Variants in BMP2K observed in about 807,000 individuals in gnomAD.
BMP2K encodes the protein BMP-2-inducible protein kinase.
Under a neutral mutation model 116.0 loss-of-function variants are expected in BMP2K, and 74 were observed. The observed-to-expected ratio is 0.64, with a 90% CI of 0.53 to 0.77. The LOEUF is 0.77. BMP2K is among the 30% of genes least tolerant of loss of function. BMP2K has a pLI of 0.00. For missense variants in BMP2K, 1,365 were observed against 1,403.6 expected (o/e 0.97, Z 0.44); for synonymous variants, 486 against 502.5 (o/e 0.97, Z 0.44).
At chr4:78,851,112 CTATT>C in intron 7 of BMP2K, 56 bp downstream of exon 7, 1 of 1,426,400 alleles carries the variant, frequency 7.0e-7, no homozygotes, top group Non-Finnish European at 9.3e-7. Flanking sequence ...TTAGGGCCTA[CTATT>C]TACATTCCTT....
At chr4:78,841,836 G>A (rs960364757) in intron 3 of BMP2K, among the ~76,000 whole-genome samples, 2 of 151,926 alleles carry the variant, frequency 1.3e-5, no homozygotes, top group African/African-American at 4.8e-5. Context: ...GTCTCTGCCT[G>A]GTTGATTCCT....
chr4:78,846,130 G>A (rs1316985462), intron 5 of BMP2K, among the ~76,000 whole-genome samples: 1 of 151,604 alleles, frequency 6.6e-6, no homozygotes, highest in African/African-American at 2.4e-5. Context: ...ATTTCTTGCT[G>A]TTGCCTTTTG....
intron 15 of BMP2K, among the ~76,000 whole-genome samples, chr4:78,897,750 G>A (rs1445855535): frequency 6.6e-6 from 1 of 151,914 alleles, no homozygotes; most frequent in Non-Finnish European, 1.5e-5. Flanking sequence ...TAATTTCCCA[G>A]CCGTGATTAA....
chr4:78,911,189 C>T lies in BMP2K; in HGVS notation c.2642C>T (p.Pro881Leu). The change falls in exon 16 of 16, where the codon CCT becomes CTT. Residue 881 changes from proline to leucine, a missense_variant. Pro to Leu is a moderately conservative substitution (Grantham distance 98). Transcript: ENST00000502613. The stretch of plus-strand genomic sequence containing the variant: ...CAAGAAAAGAATGAAAAGAACCTCC[C>T]TCAACACAGGTTTCCTGCTGCAGGA... Reference protein sequence around the residue: ...PQQEKNEKNLPQHRFPAAGLE... With the variant: ...PQQEKNEKNLLQHRFPAAGLE... The T allele has an allele frequency of 1.2e-6, 2 of 1,613,764 alleles. No homozygotes were observed. Among genetic ancestry groups the T allele is most frequent in the Non-Finnish European group, 1.7e-6 (2 of 1,179,794 alleles).
chr4:78,851,202 G>A, intron 7 of BMP2K, 146 bp downstream of exon 7: 1 of 867,726 alleles, frequency 1.2e-6, no homozygotes, highest in Non-Finnish European at 1.6e-6. Context: ...TTAAAAAAGT[G>A]TTTAAAAACT....
At chr4:78,778,240 A>G (rs796836470) in intron 1 of BMP2K, among the ~76,000 whole-genome samples, 7 of 152,316 alleles carry the variant, frequency 4.6e-5, no homozygotes, top group African/African-American at 1.4e-4. Flanking sequence ...CATTTCACAA[A>G]TTAGATTTTG....
At chr4:78,826,262 C>T (rs976192084) in intron 2 of BMP2K, 107 bp downstream of exon 2, 48 of 802,880 alleles carry the variant, frequency 6.0e-5, no homozygotes, top group Middle Eastern at 6.1e-4. Flanking sequence ...AGCGCAGTGG[C>T]GTGATCTCAG....
At chr4:78,784,907 T>TTCC (rs1286887594) in intron 1 of BMP2K, among the ~76,000 whole-genome samples, 2 of 152,168 alleles carry the variant, frequency 1.3e-5, no homozygotes, top group East Asian at 3.8e-4. Flanking sequence ...TATTCTTGGA[T>TTCC]TCTGTCTATG....
intron 1 of BMP2K, among the ~76,000 whole-genome samples, chr4:78,821,843 T>C (rs1344942251): frequency 2.0e-5 from 3 of 152,216 alleles, no homozygotes; most frequent in Non-Finnish European, 2.9e-5. Context: ...TTTCATTCTT[T>C]TGCATTATCT....
chr4:78,814,242 T>C (rs1729221956), intron 1 of BMP2K, among the ~76,000 whole-genome samples: 1 of 152,230 alleles, frequency 6.6e-6, no homozygotes, highest in South Asian at 2.1e-4. Context: ...GCTCATGCCG[T>C]TGCAAATGCT....
chr4:78,789,887 A>G (rs968328687), intron 1 of BMP2K, among the ~76,000 whole-genome samples: 5 of 152,242 alleles, frequency 3.3e-5, no homozygotes, highest in Non-Finnish European at 7.3e-5. Flanking sequence ...CTAAGTTCTT[A>G]TCCTCTGCTT....
intron 1 of BMP2K, among the ~76,000 whole-genome samples, chr4:78,797,707 T>G (rs1728365469): frequency 6.6e-6 from 1 of 152,242 alleles, no homozygotes; most frequent in Non-Finnish European, 1.5e-5. Context: ...TCTTGCAGCT[T>G]TATAAGCTTG....
intron 1 of BMP2K, among the ~76,000 whole-genome samples, chr4:78,781,556 G>C (rs1312636435): frequency 5.3e-5 from 8 of 152,002 alleles, no homozygotes; most frequent in Non-Finnish European, 8.8e-5. Context: ...ACTCAGCAAA[G>C]GTGTTTGGGC....
intron 2 of BMP2K, among the ~76,000 whole-genome samples, chr4:78,827,341 C>T (rs893889282): frequency 1.2e-4 from 19 of 152,058 alleles, no homozygotes; most frequent in Admixed American, 1.3e-4. Flanking sequence ...CTATTCGTAG[C>T]CCCCTGAGGG....
At chr4:78,808,317 G>GTGCAGT (rs1310420344) in intron 1 of BMP2K, among the ~76,000 whole-genome samples, 1 of 148,662 alleles carries the variant, frequency 6.7e-6, no homozygotes, top group African/African-American at 2.5e-5. Flanking sequence ...CTAGACTGGA[G>GTGCAGT]TGCAGTGATG....
intron 13 of BMP2K, among the ~76,000 whole-genome samples, chr4:78,875,304 T>C (rs1040428698): frequency 2.0e-5 from 3 of 152,208 alleles, no homozygotes; most frequent in East Asian, 1.9e-4. Context: ...TTGAGTAGAA[T>C]ATAAGAAACC....
chr4:78,873,705 T>C (rs1047303059), intron 13 of BMP2K, among the ~76,000 whole-genome samples: 8 of 146,126 alleles, frequency 5.5e-5, no homozygotes, highest in South Asian at 2.2e-4. Context: ...TGTGTGTGTG[T>C]ATGCATGCAT....
chr4:78,855,122 A>G (rs907724265), intron 7 of BMP2K, among the ~76,000 whole-genome samples: 2 of 152,236 alleles, frequency 1.3e-5, no homozygotes, highest in Non-Finnish European at 2.9e-5. Context: ...TGTTTTAGTT[A>G]TGATTGAACA....
chr4:78,853,639 G>T (rs1270964057), intron 7 of BMP2K, among the ~76,000 whole-genome samples: 1 of 152,156 alleles, frequency 6.6e-6, no homozygotes, highest in Non-Finnish European at 1.5e-5. Flanking sequence ...ACATTGCAGA[G>T]ATTAAGAGCA....
Sources: allele counts gnomAD v4.1 joint callset (sites outside exome capture counted in the v4.1 genomes callset), GRCh38; gene constraint gnomAD v4.1.1; transcripts MANE v1.5; gene names NCBI Gene and HGNC (gene_info 2026-07-23, HGNC 2026-07-21).